Variants in SDK1 observed in about 807,000 individuals in gnomAD.
SDK1 encodes protein sidekick-1.
In SDK1, 157 loss-of-function variants were observed where a neutral mutation model predicts 245.5. The observed-to-expected ratio is 0.64, with a 90% confidence interval of 0.56 to 0.73. The LOEUF (loss-of-function observed/expected upper bound fraction) is 0.73. Ranked by LOEUF, SDK1 falls within the 30% of genes least tolerant of loss-of-function variation. The pLI, the probability that SDK1 is intolerant of heterozygous loss-of-function variation, is 0.00. For synonymous variants in SDK1, 1,647 were observed against 1,278.5 expected (o/e 1.29, Z -6.15); for missense variants, 3,583 against 3,002.3 (o/e 1.19, Z -4.52).
chr7:4,157,588 C>T (rs1780846534), intron 30 of SDK1, among the ~76,000 whole-genome samples: 6 of 151,344 alleles, frequency 4.0e-5, no homozygotes, highest in Admixed American at 3.9e-4. Context: ...GCAGAAGGCA[C>T]CTCAGGAAAA....
intron 35 of SDK1, among the ~76,000 whole-genome samples, chr7:4,194,345 TAGATATATGTATGC>T (rs1562415852): frequency 0.015 from 1,865 of 121,938 alleles, 87 homozygotes; most frequent in South Asian, 0.031. Context: ...TATACATGTA[TAGATATATGTATGC>T]ACGTATGTGT....
intron 1 of SDK1, among the ~76,000 whole-genome samples, chr7:3,345,443 C>T (rs1186033260): frequency 6.6e-6 from 1 of 152,136 alleles, no homozygotes; most frequent in Admixed American, 6.5e-5. Flanking sequence ...TACGTAAAAT[C>T]CTACTCAGTG....
At chr7:3,850,966 C>T (rs890726005) in intron 5 of SDK1, among the ~76,000 whole-genome samples, 1 of 152,118 alleles carries the variant, frequency 6.6e-6, no homozygotes, top group Non-Finnish European at 1.5e-5. Flanking sequence ...ATGTAACAAA[C>T]CTGCACGTTG....
At chr7:4,091,095 T>G (rs755449513) in intron 22 of SDK1, among the ~76,000 whole-genome samples, 3 of 152,092 alleles carry the variant, frequency 2.0e-5, no homozygotes, top group Non-Finnish European at 4.4e-5. Flanking sequence ...CCCTTAAAAT[T>G]TTTGCATATA....
chr7:3,398,069 T>G (rs1364612976), intron 1 of SDK1, among the ~76,000 whole-genome samples: 10 of 152,046 alleles, frequency 6.6e-5, no homozygotes, highest in African/African-American at 2.4e-4. Context: ...TTATCTGGCT[T>G]GTAGGTTTAA....
chr7:3,547,438 G>C (rs914722991), intron 1 of SDK1, among the ~76,000 whole-genome samples: 2 of 152,150 alleles, frequency 1.3e-5, no homozygotes, highest in Admixed American at 1.3e-4. Flanking sequence ...TGTACCTATG[G>C]ATACTAACTG....
intron 1 of SDK1, among the ~76,000 whole-genome samples, chr7:3,602,527 G>T (rs1436232028): frequency 1.3e-5 from 2 of 151,936 alleles, no homozygotes; most frequent in Admixed American, 6.6e-5. Context: ...GGGGTTGTTT[G>T]TTTTTTTCTT....
intron 1 of SDK1, among the ~76,000 whole-genome samples, chr7:3,496,224 G>C (rs1317332635): frequency 6.6e-6 from 1 of 152,096 alleles, no homozygotes; most frequent in African/African-American, 2.4e-5. Context: ...GATCGCTGGA[G>C]GGTCAGATAA....
intron 1 of SDK1, among the ~76,000 whole-genome samples, chr7:3,425,946 A>G (rs1179538031): frequency 1.3e-5 from 2 of 152,192 alleles, no homozygotes; most frequent in African/African-American, 2.4e-5. Context: ...AAATAATTTC[A>G]TCTACACTAT....
At chr7:4,076,949 C>T (rs748966836) in intron 20 of SDK1, 49 bp from the exon 21 acceptor site, 1 of 1,517,646 alleles carries the variant, frequency 6.6e-7, no homozygotes, top group South Asian at 1.2e-5. Flanking sequence ...TTCAGGTGAG[C>T]CCTTGGCCTT....
chr7:3,995,380 C>G (rs1784625069), intron 14 of SDK1, among the ~76,000 whole-genome samples: 1 of 152,144 alleles, frequency 6.6e-6, no homozygotes. Context: ...CCCACCCCCT[C>G]CCCTGGGAGC....
intron 1 of SDK1, among the ~76,000 whole-genome samples, chr7:3,563,855 G>A (rs1211534234): frequency 6.6e-6 from 1 of 152,084 alleles, no homozygotes; most frequent in Non-Finnish European, 1.5e-5. Flanking sequence ...GGTTCACTCA[G>A]TATAATGCAA....
Position 3,848,972 on chromosome 7 carries a change from G to A in SDK1, c.847+27389G>A, listed in dbSNP as rs535278872. Among the ~76,000 whole-genome samples the A allele has an allele frequency of 2.4e-4, 37 of 152,226 alleles. 2 individuals carry two copies. In the South Asian group the frequency reaches 7.3e-3, roughly 30 times the overall value. On this transcript the variant is annotated intron_variant, in intron 5 of 44. Transcript: ENST00000404826. ...GGCGTGAGCCGCCGCGCCCGGCCTG[G>A]AGTTTTCTTTTCTAAATATGCCACT... is the stretch of plus-strand genomic sequence containing the variant.
chr7:3,620,510 C>T (rs1562608080), intron 2 of SDK1, among the ~76,000 whole-genome samples: 1 of 152,062 alleles, frequency 6.6e-6, no homozygotes, highest in East Asian at 1.9e-4. Flanking sequence ...ACCATGTTGA[C>T]CAGGCTTGTC....
At chr7:4,087,695 A>G (rs748695165) in intron 22 of SDK1, among the ~76,000 whole-genome samples, 9 of 152,222 alleles carry the variant, frequency 5.9e-5, no homozygotes, top group Non-Finnish European at 1.2e-4. Flanking sequence ...ATGAGGGGCG[A>G]TCAATATACC....
At chr7:3,368,975 C>G (rs752603900) in intron 1 of SDK1, among the ~76,000 whole-genome samples, 2 of 152,122 alleles carry the variant, frequency 1.3e-5, no homozygotes, top group African/African-American at 2.4e-5. Context: ...TTTGCATGTG[C>G]TGCTTCCTCC....
chr7:3,471,495 T>G (rs1293123139), intron 1 of SDK1, among the ~76,000 whole-genome samples: 1 of 152,204 alleles, frequency 6.6e-6, no homozygotes, highest in African/African-American at 2.4e-5. Flanking sequence ...ACTTAAAACC[T>G]TGCTAATTAA....
At chr7:3,471,912 G>C (rs180993554) in intron 1 of SDK1, among the ~76,000 whole-genome samples, 3 of 152,150 alleles carry the variant, frequency 2.0e-5, no homozygotes, top group Non-Finnish European at 2.9e-5. Context: ...TTGAGGAAAG[G>C]TTTATTTTCC....
chr7:4,077,874 C>G (rs1444801474), intron 21 of SDK1, among the ~76,000 whole-genome samples: 1 of 152,158 alleles, frequency 6.6e-6, no homozygotes, highest in African/African-American at 2.4e-5. Context: ...GGGACACAGC[C>G]AAACCATATC....
Sources: allele counts gnomAD v4.1 joint callset (sites outside exome capture counted in the v4.1 genomes callset), GRCh38; gene constraint gnomAD v4.1.1; transcripts MANE v1.5; gene names NCBI Gene and HGNC (gene_info 2026-07-23, HGNC 2026-07-21).